IGF1R: variants seen among roughly 807,000 people sequenced by gnomAD.
IGF1R encodes insulin-like growth factor 1 receptor.
Under a neutral mutation model 144.6 loss-of-function variants are expected in IGF1R, and 44 were observed. The ratio of observed to expected loss-of-function variants is 0.30; its 90% CI spans 0.24 to 0.39. The LOEUF is 0.39. Ranked by LOEUF, IGF1R falls within the 10% of genes least tolerant of loss-of-function variation. IGF1R has a pLI of 1.00. For missense variants in IGF1R, 1,355 were observed against 1,833.7 expected (o/e 0.74, Z 4.77); for synonymous variants, 795 against 722.8 (o/e 1.10, Z -1.60).
intron 1 of IGF1R, among the ~76,000 whole-genome samples, chr15:98,670,443 C>T (rs2052858819): frequency 6.6e-6 from 1 of 152,002 alleles, no homozygotes; most frequent in African/African-American, 2.4e-5. Context: ...GGGGGCAAAT[C>T]AGGGATGGTT....
intron 2 of IGF1R, among the ~76,000 whole-genome samples, chr15:98,752,411 C>T (rs2055034077): frequency 6.6e-6 from 1 of 152,072 alleles, no homozygotes; most frequent in African/African-American, 2.4e-5. Context: ...TGGCTGGGCA[C>T]TGTGGCTCCC....
At chr15:98,851,224 G>A (rs1240130697) in intron 2 of IGF1R, among the ~76,000 whole-genome samples, 2 of 152,182 alleles carry the variant, frequency 1.3e-5, no homozygotes, top group African/African-American at 4.8e-5. Context: ...TTGGAGAGGA[G>A]GGGGTGCTTT....
intron 11 of IGF1R, among the ~76,000 whole-genome samples, chr15:98,923,324 C>A (rs921032526): frequency 2.0e-5 from 3 of 152,274 alleles, no homozygotes; most frequent in African/African-American, 7.2e-5. Context: ...AGCCTCCTAG[C>A]AGCTTCCTCA....
At chr15:98,652,239 G>A (rs2052386571) in intron 1 of IGF1R, among the ~76,000 whole-genome samples, 1 of 152,220 alleles carries the variant, frequency 6.6e-6, no homozygotes, top group Non-Finnish European at 1.5e-5. Context: ...CTGAGTGATA[G>A]CCAGATAATC....
chr15:98,714,660 A>G (rs2054073334), intron 2 of IGF1R, among the ~76,000 whole-genome samples: 1 of 152,086 alleles, frequency 6.6e-6, no homozygotes, highest in South Asian at 2.1e-4. Flanking sequence ...AAAAAAAAAA[A>G]AAGATTTTGT....
Position 98,843,700 on chromosome 15 carries a change from C to G in IGF1R, c.641-47625C>G, listed in dbSNP as rs189510215. Among the ~76,000 whole-genome samples the G allele has an allele frequency of 3.4e-3, 511 of 152,274 alleles. 3 individuals carry two copies. Among genetic ancestry groups the G allele is most frequent in the African/African-American group, 0.011 (472 of 41,556 alleles). On this transcript the variant is annotated intron_variant, in intron 2 of 20. Transcript: ENST00000650285. Reference sequence around the variant, plus strand: ...CCATTTGAGCTTTCTTTTGTTTCCACTGAGCAATACGGAAGAAATTCACCG... The same window carrying G: ...CCATTTGAGCTTTCTTTTGTTTCCAGTGAGCAATACGGAAGAAATTCACCG...
In IGF1R at chr15:98,736,610, C is replaced by CTTTTTTTTTTTTTTTTTTTTT. The variant is rs1321651793; in HGVS notation, c.640+28509_640+28510insTTTTTTTTTTTTTTTTTTTTT. The stretch of plus-strand genomic sequence containing the variant: ...AATTAGTGGGAATATTTTCTTTTTT[C>CTTTTTTTTTTTTTTTTTTTTT]TTTTTTCTTTTTTTTTTTTGAGACA... On this transcript the variant is annotated intron_variant, in intron 2 of 20. Coordinates refer to ENST00000650285, the MANE Select transcript of IGF1R (RefSeq NM_000875.5). Among the ~76,000 whole-genome samples the CTTTTTTTTTTTTTTTTTTTTT allele has an allele frequency of 1.4e-5, 2 of 138,980 alleles. 1 individual carries two copies. The highest frequency in any genetic ancestry group is 3.2e-5 in the Non-Finnish European group (2 of 62,900). 91.2% of individuals were successfully genotyped at this position (138,980 alleles called of 152,430 possible). A position where few individuals can be genotyped will look rare whatever the true frequency, so the allele number is the denominator to read the frequency against.
At chr15:98,886,019 T>C (rs910291985) in intron 2 of IGF1R, among the ~76,000 whole-genome samples, 2 of 152,136 alleles carry the variant, frequency 1.3e-5, no homozygotes, top group African/African-American at 4.8e-5. Flanking sequence ...GGTTTCGCCA[T>C]GTTGGGCAGG....
chr15:98,795,403 T>TTTTGTTTTG (rs2056217264), intron 2 of IGF1R, among the ~76,000 whole-genome samples: 26 of 151,362 alleles, frequency 1.7e-4, no homozygotes, highest in African/African-American at 2.4e-4. Flanking sequence ...TCTTTCTTGT[T>TTTTGTTTTG]TTTTGTTTTG....
At chr15:98,701,590 C>T (rs770242135) in intron 1 of IGF1R, among the ~76,000 whole-genome samples, 12 of 152,106 alleles carry the variant, frequency 7.9e-5, no homozygotes, top group South Asian at 4.1e-4. Flanking sequence ...CCTACCGCCT[C>T]GGCCTCCCAC....
chr15:98,702,536 A>G (rs1335833116), intron 1 of IGF1R, among the ~76,000 whole-genome samples: 2 of 152,040 alleles, frequency 1.3e-5, no homozygotes, highest in Non-Finnish European at 1.5e-5. Flanking sequence ...TTTTTAGTAG[A>G]GATGGGGTTT....
At chr15:98,709,761 C>T (rs2053949335) in intron 2 of IGF1R, among the ~76,000 whole-genome samples, 1 of 152,138 alleles carries the variant, frequency 6.6e-6, no homozygotes, top group Admixed American at 6.5e-5. Flanking sequence ...CAGTACATCC[C>T]TTAGTGGTGA....
At chr15:98,737,715 T>C (rs1048227955) in intron 2 of IGF1R, among the ~76,000 whole-genome samples, 1 of 152,178 alleles carries the variant, frequency 6.6e-6, no homozygotes, top group African/African-American at 2.4e-5. Context: ...TTTCATCATG[T>C]ATTTGTAATA....
Position 98,891,395 on chromosome 15 carries a change from C to T in IGF1R, c.711C>T (p.Gly237=), listed in dbSNP as rs1256022397. Residue 237 remains glycine (G), a synonymous_variant, in exon 3 of 21, where the codon GGC becomes GGT. Coordinates refer to ENST00000650285, the MANE Select transcript of IGF1R (RefSeq NM_000875.5). The surrounding 1 kb of genome is among the most constrained non-coding windows in gnomAD (Gnocchi z 4.7). ...AGTGCTGCCACCCCGAGTGCCTGGG[C>T]AGCTGCAGCGCGCCTGACAACGACA... ...NNECCHPECL[G]SCSAPDNDTA... is the part of the protein sequence containing the mutation. 6.2e-7 allele frequency: 1 copy of T among 1,612,942 alleles called. No homozygotes were observed. Among genetic ancestry groups the T allele is most frequent in the Non-Finnish European group, 8.5e-7 (1 of 1,179,994 alleles).
At chr15:98,690,462 A>G (rs2053449484) in intron 1 of IGF1R, among the ~76,000 whole-genome samples, 1 of 152,242 alleles carries the variant, frequency 6.6e-6, no homozygotes, top group Non-Finnish European at 1.5e-5. Context: ...TCCCAAGGGT[A>G]AGCTTTGCAG....
chr15:98,685,648 G>C (rs1477880720), intron 1 of IGF1R, among the ~76,000 whole-genome samples: 2 of 152,192 alleles, frequency 1.3e-5, no homozygotes, highest in Non-Finnish European at 2.9e-5. Flanking sequence ...AGATGCCTCT[G>C]TGGGCTGGGC....
chr15:98,696,462 A>G (rs189008778), intron 1 of IGF1R, among the ~76,000 whole-genome samples: 1 of 152,350 alleles, frequency 6.6e-6, no homozygotes, highest in African/African-American at 2.4e-5. Flanking sequence ...TTGTCAACAA[A>G]GAGATCTTAG....
chr15:98,763,344 T>G (rs1021857800), intron 2 of IGF1R, among the ~76,000 whole-genome samples: 3 of 152,238 alleles, frequency 2.0e-5, no homozygotes, highest in Non-Finnish European at 2.9e-5. Context: ...ATTTTTGGTG[T>G]TGTACTTCAG....
intron 2 of IGF1R, among the ~76,000 whole-genome samples, chr15:98,814,007 T>C (rs2141463830): frequency 1.3e-5 from 2 of 152,380 alleles, no homozygotes; most frequent in African/African-American, 4.8e-5. Flanking sequence ...TCATGTTTTT[T>C]ACTTTCAATG....
Sources: gnomAD v4.1 joint callset for allele counts (sites outside exome capture counted in the v4.1 genomes callset) on GRCh38, gnomAD v4.1.1 for gene constraint, Gnocchi (gnomAD v3.1) non-coding constraint, MANE v1.5 for transcripts, NCBI Gene and HGNC (gene_info 2026-07-23, HGNC 2026-07-21) for gene names.